The following KBTBD12 variants were observed in gnomAD, a reference collection of about 807,000 sequenced individuals.
KBTBD12 encodes kelch repeat and BTB domain containing 12.
A neutral mutation model predicts 58.7 loss-of-function variants in KBTBD12; 53 were observed. The ratio of observed to expected loss-of-function variants is 0.90; its 90% CI spans 0.72 to 1.14. The LOEUF (loss-of-function observed/expected upper bound fraction) is 1.14. KBTBD12 is among the 50% of genes most tolerant of loss of function. The pLI, the probability that KBTBD12 is intolerant of heterozygous loss-of-function variation, is 0.00. For synonymous variants in KBTBD12, 236 were observed against 259.8 expected, an observed-to-expected ratio of 0.91 and a Z score of 0.88; for missense variants, 704 against 751.3, an observed-to-expected ratio of 0.94 and a Z score of 0.74.
At chr3:127,963,430 G>T in intron 5 of KBTBD12, 44 bp downstream of exon 5, 1 of 1,496,736 alleles carries the variant, frequency 6.7e-7, no homozygotes, top group Non-Finnish European at 9.0e-7. Context: ...CTTTGGTGTT[G>T]ATTTGACTTT....
intron 5 of KBTBD12, among the ~76,000 whole-genome samples, chr3:127,974,141 A>G (rs1326265190): frequency 6.6e-6 from 1 of 152,236 alleles, no homozygotes; most frequent in Non-Finnish European, 1.5e-5. Flanking sequence ...TAAAACTAAA[A>G]ACATGCTTAG....
At chr3:127,963,755 G>A (rs145979138) in intron 5 of KBTBD12, 143 of 166,016 alleles carry the variant, frequency 8.6e-4, no homozygotes, top group African/African-American at 3.2e-3. Flanking sequence ...TCACTATATA[G>A]TAGTTGAATA....
chr3:127,940,735 G>A (rs1343135423), intron 4 of KBTBD12, among the ~76,000 whole-genome samples: 2 of 151,618 alleles, frequency 1.3e-5, no homozygotes, highest in African/African-American at 4.8e-5. Flanking sequence ...GGAAATTAGA[G>A]GCTGAAAAAA....
Position 127,923,257 on chromosome 3 carries a change from G to A in KBTBD12, c.196G>A (p.Glu66Lys). The A allele has an allele frequency of 6.2e-7, 1 of 1,613,788 alleles. No individual in the cohort carries two copies. The change falls in exon 2 of 6, where the codon GAA (glutamate) becomes AAA (lysine). Residue 66 changes from glutamate (E) to lysine (K), a missense_variant. Glu to Lys is a moderately conservative substitution (Grantham distance 56). Transcript: ENST00000405109. Reference protein sequence around the residue: ...FKAMFTCGLLECNQREVILYD... With the variant: ...FKAMFTCGLLKCNQREVILYD... ...AGCTATGTTCACCTGTGGACTACTT[G>A]AATGTAATCAAAGGGAAGTCATACT...
intron 4 of KBTBD12, among the ~76,000 whole-genome samples, chr3:127,936,598 T>C (rs962330864): frequency 2.6e-5 from 4 of 152,196 alleles, no homozygotes; most frequent in African/African-American, 9.7e-5. Context: ...GTGTATAATG[T>C]GGTATCTAAG....
intron 4 of KBTBD12, among the ~76,000 whole-genome samples, chr3:127,948,260 C>T (rs2107602681): frequency 6.6e-6 from 1 of 152,338 alleles, no homozygotes; most frequent in East Asian, 1.9e-4. Flanking sequence ...TGCTGTTCCA[C>T]TGAGGCCACT....
rs532952115 is a variant in KBTBD12 at position 127,929,979 on chromosome 3, C to A, written c.1342-154C>A. Among the ~76,000 whole-genome samples, 3 of 152,260 alleles carry A rather than the reference C, an allele frequency of 2.0e-5. No individual in the cohort carries two copies. In the East Asian group the frequency reaches 5.8e-4, roughly 29 times the overall value. ...TCTGATATTGACAGTATACTTATAA[C>A]CCCCGTCATGGGGTTTGGTGTGTTT... On this transcript the variant is annotated intron_variant, in intron 3 of 5. Transcript: ENST00000405109.
intron 4 of KBTBD12, among the ~76,000 whole-genome samples, chr3:127,949,043 A>T (rs1353899442): frequency 6.6e-6 from 1 of 152,220 alleles, no homozygotes; most frequent in African/African-American, 2.4e-5. Context: ...TTATATGAAT[A>T]TAATGGACAC....
intron 4 of KBTBD12, among the ~76,000 whole-genome samples, chr3:127,961,322 G>A (rs894855141): frequency 2.0e-5 from 3 of 152,206 alleles, no homozygotes; most frequent in East Asian, 1.9e-4. Context: ...GCCGTTAACC[G>A]AGGCCAGTGT....
intron 5 of KBTBD12, among the ~76,000 whole-genome samples, chr3:127,981,827 A>G (rs1940878312): frequency 6.6e-6 from 1 of 152,200 alleles, no homozygotes; most frequent in African/African-American, 2.4e-5. Context: ...GTAAATATGT[A>G]TAAGAGCTAA....
rs1387419084 is a variant in KBTBD12, at chr3:127,969,794, C to T, written c.1690+6408C>T. On this transcript the variant is annotated intron_variant, in intron 5 of 5. Transcript: ENST00000405109. Reference sequence around the variant, plus strand: ...CAAAATAATGAAGTTGGAATCCTGCCTCTTACCATGTACAAAAAGGAACCC... The same window carrying T: ...CAAAATAATGAAGTTGGAATCCTGCTTCTTACCATGTACAAAAAGGAACCC... Among the ~76,000 whole-genome samples the T allele has an allele frequency of 2.6e-5, 4 of 152,242 alleles. No homozygotes were observed. The East Asian group carries it at 7.7e-4, about 29-fold the overall frequency.
chr3:127,973,462 T>C (rs1940718233), intron 5 of KBTBD12, among the ~76,000 whole-genome samples: 1 of 152,196 alleles, frequency 6.6e-6, no homozygotes, highest in African/African-American at 2.4e-5. Context: ...TGGGGACAAC[T>C]GGGGAAATTA....
At position 127,986,960 on chromosome 3, in the gene KBTBD12, C is replaced by T. The variant is rs543193922; in HGVS notation, c.*2682C>T. The T allele has an allele frequency of 3.3e-5, 5 of 152,470 alleles. No homozygotes were observed. Among genetic ancestry groups the T allele is most frequent in the Admixed American group, 1.3e-4 (2 of 15,300 alleles). 9.4% of individuals were successfully genotyped at this position (152,470 alleles called of 1,614,324 possible). On this transcript the variant is annotated 3_prime_UTR_variant, in exon 6 of 6. Transcript: ENST00000405109. The stretch of plus-strand genomic sequence containing the variant: ...GGTCACGCTAGGTGAGACCATCGCC[C>T]GCCTGTGGGAGGCAAGATAAGTGGG...
At chr3:127,970,711 T>C (rs1424673111) in intron 5 of KBTBD12, among the ~76,000 whole-genome samples, 1 of 152,204 alleles carries the variant, frequency 6.6e-6, no homozygotes, top group Admixed American at 6.5e-5. Flanking sequence ...CATGATTCCA[T>C]TTATATGAAA....
chr3:127,952,251 G>A (rs756129291), intron 4 of KBTBD12, among the ~76,000 whole-genome samples: 6 of 152,114 alleles, frequency 3.9e-5, no homozygotes, highest in East Asian at 3.9e-4. Flanking sequence ...GTTCAAACAC[G>A]GATCTGTCCA....
chr3:127,918,111 G>A lies in KBTBD12; in HGVS notation c.-113+2525G>A, dbSNP rs184095047. 3.6e-3 allele frequency among the ~76,000 whole-genome samples: 546 copies of A among 152,286 alleles called. 4 individuals carry two copies. Among genetic ancestry groups the A allele is most frequent in the African/African-American group, 0.012 (514 of 41,552 alleles). On this transcript the variant is annotated intron_variant, in intron 1 of 5. Coordinates refer to ENST00000405109, the MANE Select transcript of KBTBD12 (RefSeq NM_207335.4). Reference sequence around the variant, plus strand: ...GTGGTGCAGCTACAGGGGAGGCTGAGGTCCCAGCCTGGGCAACAGGGCAAG... The same window carrying A: ...GTGGTGCAGCTACAGGGGAGGCTGAAGTCCCAGCCTGGGCAACAGGGCAAG...
intron 5 of KBTBD12, among the ~76,000 whole-genome samples, chr3:127,980,186 AC>A (rs1940849616): frequency 6.6e-6 from 1 of 152,236 alleles, no homozygotes; most frequent in African/African-American, 2.4e-5. Flanking sequence ...AGAAGATAGA[AC>A]AAGAGAAGAT....
chr3:127,942,546 A>G (rs1939975140), intron 4 of KBTBD12, among the ~76,000 whole-genome samples: 2 of 151,656 alleles, frequency 1.3e-5, no homozygotes, highest in South Asian at 2.1e-4. Context: ...TCAGTCATCC[A>G]TTAATGAACA....
intron 4 of KBTBD12, among the ~76,000 whole-genome samples, chr3:127,960,111 G>T (rs968018779): frequency 1.3e-5 from 2 of 152,166 alleles, no homozygotes; most frequent in East Asian, 3.8e-4. Context: ...AGAGGACATT[G>T]GGAGCAAGCA....
Sources: allele counts gnomAD v4.1 joint callset (sites outside exome capture counted in the v4.1 genomes callset), GRCh38; gene constraint gnomAD v4.1.1; transcripts MANE v1.5; gene names NCBI Gene and HGNC (gene_info 2026-07-23, HGNC 2026-07-21).